The following CACNB2 variants were observed in gnomAD, a reference collection of about 807,000 sequenced individuals.
CACNB2 encodes the protein calcium voltage-gated channel auxiliary subunit beta 2.
CACNB2 carries 42 observed loss-of-function variants against 73.3 expected under a neutral mutation model. The ratio of observed to expected loss-of-function variants is 0.57; its 90% CI spans 0.45 to 0.74. The LOEUF is 0.74. Among genes scored for constraint, CACNB2 ranks in the 30% least tolerant of loss-of-function variants. CACNB2 has a pLI of 0.00. For synonymous variants in CACNB2, 348 were observed against 310.3 expected (o/e 1.12, Z -1.28); for missense variants, 940 against 853.0 (o/e 1.10, Z -1.27).
At chr10:18,261,284 G>A in intron 2 of CACNB2, 1 of 1,551,468 alleles carries the variant, frequency 6.4e-7, no homozygotes, top group Non-Finnish European at 8.7e-7. Flanking sequence ...AGTGCTGCGG[G>A]CTGGTGCATC....
Position 18,470,411 on chromosome 10 carries a change from GTA to G in CACNB2, c.334-27939_334-27938del, listed in dbSNP as rs201179827. Among the ~76,000 whole-genome samples, 1,348 of 149,116 alleles carry G rather than the reference GTA, an allele frequency of 9.0e-3. 21 individuals are homozygous for G. The highest frequency in any genetic ancestry group is 0.032 in the African/African-American group (1,298 of 40,776). On this transcript the variant is annotated intron_variant, in intron 3 of 13. Coordinates refer to ENST00000324631, the MANE Select transcript of CACNB2 (RefSeq NM_201596.3). ...TGATATACAGCATGTGTTACATATA[GTA>G]TATAACATATGGTGTATATTATATG...
chr10:18,496,185 C>CAAAAAAAA (rs57139534), intron 3 of CACNB2, among the ~76,000 whole-genome samples: 9 of 84,064 alleles, frequency 1.1e-4, no homozygotes, highest in African/African-American at 3.5e-4. Flanking sequence ...GACTCAGTCT[C>CAAAAAAAA]AAAAAAAAAA....
chr10:18,316,791 G>T (rs1383408938), intron 2 of CACNB2, among the ~76,000 whole-genome samples: 1 of 152,124 alleles, frequency 6.6e-6, no homozygotes, highest in Non-Finnish European at 1.5e-5. Flanking sequence ...TACTCAATAA[G>T]CCTATAAGAA....
chr10:18,170,473 T>G (rs989534112), intron 2 of CACNB2, among the ~76,000 whole-genome samples: 6 of 152,240 alleles, frequency 3.9e-5, no homozygotes, highest in African/African-American at 1.4e-4. Context: ...AGAGTGAGTC[T>G]GTGAAAATAT....
intron 2 of CACNB2, among the ~76,000 whole-genome samples, chr10:18,369,986 T>C (rs1465304014): frequency 6.6e-6 from 1 of 152,214 alleles, no homozygotes; most frequent in Admixed American, 6.5e-5. Context: ...ATAAATGACC[T>C]GCCAACCTCC....
intron 2 of CACNB2, among the ~76,000 whole-genome samples, chr10:18,164,595 A>G (rs2032710667): frequency 6.6e-6 from 1 of 151,950 alleles, no homozygotes; most frequent in Non-Finnish European, 1.5e-5. Flanking sequence ...CTTGCAATTA[A>G]TACAAGAAGC....
intron 3 of CACNB2, among the ~76,000 whole-genome samples, chr10:18,407,107 G>GTTTTTTT (rs1293331753): frequency 8.1e-5 from 4 of 49,600 alleles, no homozygotes; most frequent in African/African-American, 2.2e-4. Context: ...CTGCTGTTCT[G>GTTTTTTT]TCTTTTTTTT....
Position 18,140,779 on chromosome 10 carries a change from G to A in CACNB2, c.43G>A (p.Ala15Thr). ...GTCCAAGTCGCCTCCCACAGCGGCG[G>A]CGGCGGTGGCGCAGGAGATCCAGAT... Reference protein sequence around the residue: ...DMSKSPPTAAAAVAQEIQMEL... With the variant: ...DMSKSPPTAATAVAQEIQMEL... The change falls in exon 1 of 14, where the codon GCG (alanine) becomes ACG (threonine). Residue 15 changes from alanine to threonine, a missense_variant. Transcript: ENST00000324631. 6.3e-7 allele frequency: 1 copy of A among 1,598,432 alleles called. No individual in the cohort carries two copies.
chr10:18,194,987 G>T (rs530360330), intron 2 of CACNB2, among the ~76,000 whole-genome samples: 2 of 152,304 alleles, frequency 1.3e-5, no homozygotes, highest in South Asian at 4.1e-4. Flanking sequence ...GACCTTCAAT[G>T]AGGCTGATTC....
At chr10:18,466,618 C>T (rs571298334) in intron 3 of CACNB2, among the ~76,000 whole-genome samples, 2 of 152,192 alleles carry the variant, frequency 1.3e-5, no homozygotes, top group South Asian at 2.1e-4. Flanking sequence ...AAATTGATTT[C>T]GTTTGTAGCT....
chr10:18,430,514 C>T (rs1002039749), intron 3 of CACNB2, among the ~76,000 whole-genome samples: 1 of 151,994 alleles, frequency 6.6e-6, no homozygotes, highest in East Asian at 1.9e-4. Context: ...CCTATAGTTC[C>T]AGGTATGTGG....
chr10:18,400,827 C>T (rs1469484592), intron 2 of CACNB2: 1 of 1,448,758 alleles, frequency 6.9e-7, no homozygotes, highest in Non-Finnish European at 9.0e-7. Context: ...GTTTTCAGCC[C>T]CTCCTGGAAT....
intron 3 of CACNB2, among the ~76,000 whole-genome samples, chr10:18,449,324 G>T (rs1405000765): frequency 6.6e-6 from 1 of 152,196 alleles, no homozygotes; most frequent in East Asian, 1.9e-4. Flanking sequence ...GGCAGAGCTT[G>T]CAGTGAGCCG....
At chr10:18,278,605 G>A (rs1378539506) in intron 2 of CACNB2, among the ~76,000 whole-genome samples, 1 of 151,984 alleles carries the variant, frequency 6.6e-6, no homozygotes, top group Non-Finnish European at 1.5e-5. Context: ...GATTTATATA[G>A]ACTAAAATTT....
At chr10:18,414,298 C>G (rs1487449643) in intron 3 of CACNB2, among the ~76,000 whole-genome samples, 2 of 152,180 alleles carry the variant, frequency 1.3e-5, no homozygotes, top group South Asian at 2.1e-4. Flanking sequence ...TCTCTTGCTC[C>G]TCTCACAGGC....
chr10:18,534,414 G>A (rs1055262610), intron 11 of CACNB2, among the ~76,000 whole-genome samples, 187 bp downstream of exon 11: 2 of 152,004 alleles, frequency 1.3e-5, no homozygotes, highest in East Asian at 1.9e-4. Flanking sequence ...TCAAAGTGTG[G>A]TCCATGGATC....
At chr10:18,385,576 G>C (rs1374340850) in intron 2 of CACNB2, among the ~76,000 whole-genome samples, 1 of 148,394 alleles carries the variant, frequency 6.7e-6, no homozygotes, top group Non-Finnish European at 1.5e-5. Context: ...GTGGTGAGCC[G>C]AGATCGTGCC....
chr10:18,300,994 G>A (rs1468076530), intron 2 of CACNB2, among the ~76,000 whole-genome samples: 2 of 152,178 alleles, frequency 1.3e-5, no homozygotes, highest in Non-Finnish European at 2.9e-5. Context: ...AAGAAAATGA[G>A]TGAGGAAAGA....
chr10:18,528,743 T>TC (rs2052718507), intron 10 of CACNB2, among the ~76,000 whole-genome samples: 1 of 152,224 alleles, frequency 6.6e-6, no homozygotes, highest in African/African-American at 2.4e-5. Flanking sequence ...AAAAATGTAA[T>TC]CATGTGTTTT....
Sources: allele counts gnomAD v4.1 joint callset (sites outside exome capture counted in the v4.1 genomes callset), GRCh38; gene constraint gnomAD v4.1.1; transcripts MANE v1.5; gene names NCBI Gene and HGNC (gene_info 2026-07-23, HGNC 2026-07-21).